The following EIF3D variants were observed in gnomAD, a reference collection of about 807,000 sequenced individuals.
EIF3D encodes the protein eIF3 p66.
A neutral mutation model predicts 75.4 loss-of-function variants in EIF3D; 10 were observed. That is an observed-to-expected ratio of 0.13 (90% CI 0.08 to 0.22). EIF3D has a LOEUF of 0.22. Ranked by LOEUF, EIF3D falls within the 10% of genes least tolerant of loss-of-function variation. The probability of loss-of-function intolerance (pLI) is 1.00; values close to 1 mark genes in which losing one functional copy is unlikely to be tolerated. For synonymous variants in EIF3D, 246 were observed against 248.3 expected, an observed-to-expected ratio of 0.99 and a Z score of 0.09; for missense variants, 394 against 708.0, an observed-to-expected ratio of 0.56 and a Z score of 5.03.
rs1934659425 is a variant in EIF3D at position 36,529,114 on chromosome 22, T to G, written c.-49A>C. The G allele has an allele frequency of 2.5e-6, 1 of 394,960 alleles. No homozygotes were observed. The highest frequency in any genetic ancestry group is 2.1e-5 in the African/African-American group (1 of 48,534). 24.5% of individuals were successfully genotyped at this position (394,960 alleles called of 1,614,324 possible). A position where few individuals can be genotyped will look rare whatever the true frequency, so the allele number is the denominator to read the frequency against. ...GGCCGGCCGGGATGGCAACAGATGG[T>G]GCGTGCCGGGGACCGCGTTAGCAGC... On this transcript the variant is annotated 5_prime_UTR_variant, in exon 1 of 15. Transcript: ENST00000216190.
In EIF3D at chr22:36,510,888, T is replaced by G. The variant is rs1425964117; in HGVS notation, c.*99A>C. ...AAACAGATATATATTTTATTTCATC[T>G]GCTAAATGTCAGAGAGCAAGTTAGA... On this transcript the variant is annotated 3_prime_UTR_variant, in exon 15 of 15. Transcript: ENST00000216190. The G allele has an allele frequency of 7.3e-6, 10 of 1,369,202 alleles. No homozygotes were observed. The East Asian group carries it at 2.4e-4, about 33-fold the overall frequency. 84.8% of individuals were successfully genotyped at this position (1,369,202 alleles called of 1,614,324 possible).
At position 36,521,069 on chromosome 22, in the gene EIF3D, G is replaced by A. The variant is rs537467924; in HGVS notation, c.466-381C>T. Among the ~76,000 whole-genome samples, 10 of 152,158 alleles carry A rather than the reference G, an allele frequency of 6.6e-5. No homozygotes were observed. In the East Asian group the frequency reaches 1.9e-3, roughly 29 times the overall value. On this transcript the variant is annotated intron_variant, in intron 6 of 14. Coordinates refer to ENST00000216190, the MANE Select transcript of EIF3D (RefSeq NM_003753.4). ...ACAAAAATTAGCCAGGCATGGTGAT[G>A]CATGCCTGTAATCCCAGCTACTCGG...
At chr22:36,522,441 C>T (rs998782293) in intron 6 of EIF3D, among the ~76,000 whole-genome samples, 2 of 152,190 alleles carry the variant, frequency 1.3e-5, no homozygotes, top group Non-Finnish European at 2.9e-5. Context: ...GTGGCTACCA[C>T]AGGCCGAATG....
chr22:36,517,467 A>G (rs763453452), intron 9 of EIF3D, 36 bp from the exon 10 acceptor site: 57 of 1,589,296 alleles, frequency 3.6e-5, no homozygotes, highest in Admixed American at 1.9e-5. Context: ...ACCATGCAAC[A>G]AAGAGTCACT....
intron 12 of EIF3D, among the ~76,000 whole-genome samples, chr22:36,514,771 G>C (rs994078051): frequency 2.0e-5 from 3 of 151,860 alleles, no homozygotes; most frequent in African/African-American, 7.3e-5. Flanking sequence ...CTCCAGATGA[G>C]AACTCAGTTC....
chr22:36,511,213 C>T (rs751145235), intron 14 of EIF3D: 36 of 801,104 alleles, frequency 4.5e-5, no homozygotes, highest in Non-Finnish European at 5.7e-5. Context: ...TAACCCGGAG[C>T]GGAGCTTTTC....
chr22:36,528,990 G>T lies in EIF3D; in HGVS notation c.-11+86C>A, dbSNP rs527503461. On this transcript the variant is annotated intron_variant, in intron 1 of 14. Coordinates refer to ENST00000216190, the MANE Select transcript of EIF3D (RefSeq NM_003753.4). ...CAACAGCAGGAAGGGACTAAGAGAG[G>T]TCTCTTCCGGGAGGCCCCCCGAAGG... 135 of 312,786 alleles carry T rather than the reference G, an allele frequency of 4.3e-4. 1 individual carries two copies. In the South Asian group the frequency reaches 0.019, roughly 45 times the overall value. The allele number at this position is 312,786 out of a possible 1,614,324, so 19.4% of individuals were successfully genotyped here.
intron 6 of EIF3D, among the ~76,000 whole-genome samples, chr22:36,521,763 C>T (rs1359186582): frequency 9.1e-6 from 1 of 109,660 alleles, no homozygotes; most frequent in Non-Finnish European, 1.8e-5. Context: ...CCTGTCTCTA[C>T]AAAACATATG....
At chr22:36,516,411 CG>C in intron 12 of EIF3D, 66 bp downstream of exon 12, 1 of 1,555,558 alleles carries the variant, frequency 6.4e-7, no homozygotes, top group Non-Finnish European at 8.8e-7. Context: ...ACCTAGCCTG[CG>C]TAAACAGGCA....
At chr22:36,518,685 T>A in intron 9 of EIF3D, 78 bp downstream of exon 9, 1 of 1,553,448 alleles carries the variant, frequency 6.4e-7, no homozygotes, top group Non-Finnish European at 8.7e-7. Flanking sequence ...TTCTATCCAT[T>A]CTCTAGTACC....
In EIF3D at chr22:36,511,110, C is replaced by G. The variant is rs148926389; in HGVS notation, c.1634-110G>C. 2.0e-4 allele frequency: 269 copies of G among 1,357,050 alleles called. 4 individuals carry two copies. The East Asian group carries it at 6.2e-3, about 31-fold the overall frequency. 84.1% of individuals were successfully genotyped at this position (1,357,050 alleles called of 1,614,324 possible). Reference sequence around the variant, plus strand: ...TGCGTGAGTTTTCAACACTTCCATTCCGAAGTTAAGCCTTTCAGATGCTCA... The same window carrying G: ...TGCGTGAGTTTTCAACACTTCCATTGCGAAGTTAAGCCTTTCAGATGCTCA... On this transcript the variant is annotated intron_variant, in intron 14 of 14. Transcript: ENST00000216190.
At chr22:36,514,589 A>C (rs1934395051) in intron 12 of EIF3D, among the ~76,000 whole-genome samples, 1 of 152,144 alleles carries the variant, frequency 6.6e-6, no homozygotes, top group African/African-American at 2.4e-5. Context: ...TGCTGTTGCT[A>C]TCTTGGAGAT....
At chr22:36,523,053 A>C (rs1194365770) in intron 6 of EIF3D, 156 bp downstream of exon 6, 2 of 646,954 alleles carry the variant, frequency 3.1e-6, no homozygotes, top group Non-Finnish European at 5.7e-6. Flanking sequence ...GGGTGATGAA[A>C]ATGGTCTGAA....
rs974872053 is a variant in EIF3D, at chr22:36,511,522, CTCCTCCTCT to C, written c.1605_1613del (p.Glu544_Glu546del). 1.9e-6 allele frequency: 3 copies of C among 1,613,888 alleles called. No individual in the cohort carries two copies. The highest frequency in any genetic ancestry group is 1.7e-6 in the Non-Finnish European group (2 of 1,179,900). ...ACACACCTTCTTCTTCCTCTTCTTC[CTCCTCCTCT>C]TCCTCCTCATCTTCATCAGAGCTGA... On this transcript the variant is annotated inframe_deletion, in exon 14 of 15. Transcript: ENST00000216190.
chr22:36,519,544 G>A lies in EIF3D; in HGVS notation c.579-7C>T. 1 of 1,614,104 alleles carries A rather than the reference G, an allele frequency of 6.2e-7. No homozygotes were observed. Among genetic ancestry groups the A allele is most frequent in the African/African-American group, 1.3e-5 (1 of 75,046 alleles). On this transcript the variant is annotated splice_region_variant and splice_polypyrimidine_tract_variant and intron_variant, in intron 7 of 14. Transcript: ENST00000216190. ...TAGGGCCCCACAACACTCACTGTGG[G>A]AAGAGCAGGCAAAGACATGCAAAGT...
intron 1 of EIF3D, among the ~76,000 whole-genome samples, chr22:36,527,073 C>T (rs1035109149): frequency 5.9e-5 from 9 of 152,204 alleles, no homozygotes; most frequent in African/African-American, 1.4e-4. Flanking sequence ...CTGCCATCAA[C>T]GCAAATCCTG....
Position 36,520,753 on chromosome 22 carries a change from G to A in EIF3D, c.466-65C>T, listed in dbSNP as rs1934500347. 7.5e-6 allele frequency: 9 copies of A among 1,197,174 alleles called. No homozygotes were observed. In the South Asian group the frequency reaches 7.8e-5, roughly 10 times the overall value. The allele number at this position is 1,197,174 out of a possible 1,614,324, so 74.2% of individuals were successfully genotyped here. Reference sequence around the variant, plus strand: ...CCATACAAAACATAAATAAAAGACAGGCTAAAAATATGAAGAGCTGGCCTG... The same window carrying A: ...CCATACAAAACATAAATAAAAGACAAGCTAAAAATATGAAGAGCTGGCCTG... On this transcript the variant is annotated intron_variant, in intron 6 of 14. Transcript: ENST00000216190.
intron 12 of EIF3D, 75 bp downstream of exon 12, chr22:36,516,403 C>G: frequency 6.5e-7 from 1 of 1,538,088 alleles, no homozygotes; most frequent in Non-Finnish European, 8.9e-7. Flanking sequence ...TTTATACAAC[C>G]TAGCCTGCGT....
intron 8 of EIF3D, 119 bp from the exon 9 acceptor site, chr22:36,519,029 C>T: frequency 7.4e-7 from 1 of 1,348,928 alleles, no homozygotes; most frequent in Non-Finnish European, 9.9e-7. Context: ...GAGGCCCCAC[C>T]TCATTGACCA....
Sources: gnomAD v4.1 joint callset for allele counts (sites outside exome capture counted in the v4.1 genomes callset) on GRCh38, gnomAD v4.1.1 for gene constraint, MANE v1.5 for transcripts, NCBI Gene and HGNC (gene_info 2026-07-23, HGNC 2026-07-21) for gene names.